The following TMEM17 variants were observed in gnomAD, a reference collection of about 807,000 sequenced individuals.
The protein encoded by TMEM17 is transmembrane protein 17.
In TMEM17, 15 loss-of-function variants were observed where a neutral mutation model predicts 19.1. That is an observed-to-expected ratio of 0.78 (90% CI 0.52 to 1.21). The LOEUF (loss-of-function observed/expected upper bound fraction) is 1.21. Among genes scored for constraint, TMEM17 ranks in the 50% most tolerant of loss-of-function variants. TMEM17 has a pLI of 0.00. For synonymous variants in TMEM17, 103 were observed against 86.9 expected, an observed-to-expected ratio of 1.19 and a Z score of -1.03; for missense variants, 245 against 242.3, an observed-to-expected ratio of 1.01 and a Z score of -0.07.
the TMEM17 span, among the ~76,000 whole-genome samples, chr2:62,473,267 G>A: frequency 1.3e-5 from 2 of 152,142 alleles, no homozygotes; most frequent in African/African-American, 4.8e-5. Flanking sequence ...GAAAACTAAG[G>A]TACTGGGAGG....
chr2:62,500,239 A>G lies in TMEM17; in HGVS notation c.*970T>C, dbSNP rs1010816031. On this transcript the variant is annotated 3_prime_UTR_variant, in exon 4 of 4. Coordinates refer to ENST00000335390, the MANE Select transcript of TMEM17 (RefSeq NM_198276.3). ...ATGATTTGCTGCTGATACCTTAAATATTTAATAATTTATTGTAAAAGCATT... is the reference window on the plus strand; with the variant it reads ...ATGATTTGCTGCTGATACCTTAAATGTTTAATAATTTATTGTAAAAGCATT... 7 of 152,220 alleles carry G rather than the reference A, an allele frequency of 4.6e-5. No homozygotes were observed. The highest frequency in any genetic ancestry group is 1.4e-4 in the African/African-American group (6 of 41,456). 9.4% of individuals were successfully genotyped at this position (152,220 alleles called of 1,614,324 possible). A position where few individuals can be genotyped will look rare whatever the true frequency, so the allele number is the denominator to read the frequency against.
At chr2:62,471,941 T>C in the TMEM17 span, among the ~76,000 whole-genome samples, 1 of 152,386 alleles carries the variant, frequency 6.6e-6, no homozygotes, top group East Asian at 1.9e-4. Context: ...AACGTGCCTT[T>C]ATCTATATTG....
chr2:62,504,875 T>A (rs1165750759), intron 1 of TMEM17, among the ~76,000 whole-genome samples: 1 of 152,232 alleles, frequency 6.6e-6, no homozygotes, highest in African/African-American at 2.4e-5. Flanking sequence ...ATTCAATAAC[T>A]ATTGTCAATG....
the TMEM17 span, among the ~76,000 whole-genome samples, chr2:62,469,224 A>G: frequency 2.0e-5 from 3 of 152,186 alleles, no homozygotes; most frequent in Non-Finnish European, 2.9e-5. Flanking sequence ...GCCAAATAGA[A>G]CTGGTTGGGC....
At chr2:62,496,847 C>T (rs1170967166), downstream of TMEM17, among the ~76,000 whole-genome samples, 1 of 152,198 alleles carries the variant, frequency 6.6e-6, no homozygotes, top group East Asian at 1.9e-4. Context: ...CCTGTAATCC[C>T]AGTACCTTAG....
the TMEM17 span, among the ~76,000 whole-genome samples, chr2:62,466,343 C>A: frequency 6.6e-6 from 1 of 152,158 alleles, no homozygotes; most frequent in Non-Finnish European, 1.5e-5. Flanking sequence ...GGTGGAAATC[C>A]AAGCTCAGCC....
At chr2:62,502,094 A>G (rs1679944346) in intron 3 of TMEM17, 1 of 167,066 alleles carries the variant, frequency 6.0e-6, no homozygotes, top group Non-Finnish European at 1.3e-5. Flanking sequence ...TTTCTTATTC[A>G]GGATCCAAAT....
At chr2:62,461,460 T>A in the TMEM17 span, among the ~76,000 whole-genome samples, 5 of 152,180 alleles carry the variant, frequency 3.3e-5, no homozygotes, top group African/African-American at 1.2e-4. Context: ...CAGTGGAGGA[T>A]GCCCAGTCTC....
At position 62,506,034 on chromosome 2, in the gene TMEM17, A is replaced by T; in HGVS notation, c.96T>A (p.Gly32=). ...SNRTGPESNE[G]PENEMVSSLA... is the part of the protein sequence containing the mutation. Reference sequence around the variant, plus strand: ...CACCGGGCCTCGGTCACTCACCCGGACCCTCATTGGACTCTGGACCGGTCC... The same window carrying T: ...CACCGGGCCTCGGTCACTCACCCGGTCCCTCATTGGACTCTGGACCGGTCC... Residue 32 remains glycine (G), a synonymous_variant, in exon 1 of 4, where the codon GGT becomes GGA. Transcript: ENST00000335390. The T allele has an allele frequency of 6.2e-7, 1 of 1,609,332 alleles. No homozygotes were observed. Among genetic ancestry groups the T allele is most frequent in the Non-Finnish European group, 8.5e-7 (1 of 1,178,120 alleles).
At chr2:62,488,003 C>T in the TMEM17 span, among the ~76,000 whole-genome samples, 1 of 152,166 alleles carries the variant, frequency 6.6e-6, no homozygotes, top group Non-Finnish European at 1.5e-5. Context: ...CCCAAGTTTA[C>T]TTTGAAATAG....
At chr2:62,497,526 C>T (rs1679805791), downstream of TMEM17, among the ~76,000 whole-genome samples, 1 of 149,844 alleles carries the variant, frequency 6.7e-6, no homozygotes, top group African/African-American at 2.4e-5. Context: ...GAACTTAATA[C>T]CCACTCATTC....
the TMEM17 span, among the ~76,000 whole-genome samples, chr2:62,462,432 G>A: frequency 6.6e-6 from 1 of 152,194 alleles, no homozygotes; most frequent in South Asian, 2.1e-4. Context: ...TTCTGGCTTG[G>A]TCTACCCCAC....
Position 62,506,130 on chromosome 2 carries a change from G to T in TMEM17, c.-1C>A, listed in dbSNP as rs371525526. The stretch of plus-strand genomic sequence containing the variant: ...GGCGCACCGGATCCGGCAGCTCCAT[G>T]CCTGGGCCTCAGTATCCCTCACCCC... On this transcript the variant is annotated 5_prime_UTR_variant, in exon 1 of 4. Coordinates refer to ENST00000335390, the MANE Select transcript of TMEM17 (RefSeq NM_198276.3). The T allele has an allele frequency of 5.6e-6, 9 of 1,606,852 alleles. No homozygotes were observed. Among genetic ancestry groups the T allele is most frequent in the Admixed American group, 3.4e-5 (2 of 59,426 alleles).
At chr2:62,488,908 C>A in the TMEM17 span, among the ~76,000 whole-genome samples, 2 of 151,032 alleles carry the variant, frequency 1.3e-5, no homozygotes, top group South Asian at 4.2e-4. Context: ...CACAGGAACA[C>A]CCTATTGGGG....
In TMEM17 at chr2:62,502,700, A is replaced by T; in HGVS notation, c.195T>A (p.Leu65=). 14 of 1,595,662 alleles carry T rather than the reference A, an allele frequency of 8.8e-6. No homozygotes were observed. Among genetic ancestry groups the T allele is most frequent in the African/African-American group, 1.4e-5 (1 of 74,020 alleles). Residue 65 remains leucine (L), a synonymous_variant, in exon 2 of 4, where the codon CTT becomes CTA. Transcript: ENST00000335390. ...TAAAGCTTAGATTTACCTTCATGTG[A>T]AGCATCATAATGCTGCTCACCCACC... ...PLWWVSSIMM[L]HMKYSILPDY...
the TMEM17 span, among the ~76,000 whole-genome samples, chr2:62,484,836 T>C: frequency 6.6e-6 from 1 of 152,238 alleles, no homozygotes; most frequent in Non-Finnish European, 1.5e-5. Flanking sequence ...CCAAAATGGA[T>C]GGTCATACTA....
chr2:62,487,102 A>G, the TMEM17 span, among the ~76,000 whole-genome samples: 4 of 152,200 alleles, frequency 2.6e-5, no homozygotes, highest in Non-Finnish European at 4.4e-5. Flanking sequence ...GCTTAAAACC[A>G]TGCATATTTA....
intron 1 of TMEM17, among the ~76,000 whole-genome samples, chr2:62,504,424 A>C (rs1394702086): frequency 6.6e-6 from 1 of 152,198 alleles, no homozygotes; most frequent in African/African-American, 2.4e-5. Context: ...AAGAATAATA[A>C]ATTGGGCAAG....
the TMEM17 span, among the ~76,000 whole-genome samples, chr2:62,464,928 CT>C: frequency 6.6e-6 from 1 of 152,128 alleles, no homozygotes; most frequent in Non-Finnish European, 1.5e-5. Flanking sequence ...CTGCAAATAT[CT>C]CAAGCGCTGA....
Sources: gnomAD v4.1 joint callset for allele counts (sites outside exome capture counted in the v4.1 genomes callset) on GRCh38, gnomAD v4.1.1 for gene constraint, MANE v1.5 for transcripts, NCBI Gene and HGNC (gene_info 2026-07-23, HGNC 2026-07-21) for gene names.